Variants in NSMCE2 observed in about 807,000 individuals in gnomAD.
The protein encoded by NSMCE2 is NSE2 SUMO ligase component of SMC5/6 complex.
Under a neutral mutation model 23.8 loss-of-function variants are expected in NSMCE2, and 24 were observed. The ratio of observed to expected loss-of-function variants is 1.01; its 90% CI spans 0.73 to 1.42. The LOEUF (loss-of-function observed/expected upper bound fraction) is 1.42. NSMCE2 is among the 40% of genes most tolerant of loss of function. The probability of loss-of-function intolerance (pLI) is 0.00; values close to 1 mark genes in which losing one functional copy is unlikely to be tolerated. For missense variants in NSMCE2, 284 were observed against 296.5 expected, an observed-to-expected ratio of 0.96 and a Z score of 0.31; for synonymous variants, 92 against 94.1, an observed-to-expected ratio of 0.98 and a Z score of 0.13.
At chr8:125,156,195 C>T (rs1472125100) in intron 4 of NSMCE2, 2 of 201,648 alleles carry the variant, frequency 9.9e-6, no homozygotes, top group African/African-American at 2.4e-5. Flanking sequence ...TCACATTATA[C>T]TTCAGCTTTT....
chr8:125,125,730 A>T (rs1425212328), intron 3 of NSMCE2, among the ~76,000 whole-genome samples: 3 of 152,224 alleles, frequency 2.0e-5, no homozygotes, highest in Admixed American at 1.3e-4. Flanking sequence ...AGTCTGCCAC[A>T]GTGTGGCAGG....
intron 5 of NSMCE2, among the ~76,000 whole-genome samples, chr8:125,189,836 A>G (rs1360686167): frequency 6.6e-6 from 1 of 152,228 alleles, no homozygotes; most frequent in Non-Finnish European, 1.5e-5. Flanking sequence ...GCACAAACAT[A>G]TAGTATATAC....
At chr8:125,141,573 A>G (rs1820375300) in intron 3 of NSMCE2, among the ~76,000 whole-genome samples, 1 of 152,238 alleles carries the variant, frequency 6.6e-6, no homozygotes, top group African/African-American at 2.4e-5. Flanking sequence ...TGGATAAGGT[A>G]ATAGGTGCAG....
chr8:125,268,920 G>A (rs1827057349), intron 5 of NSMCE2, among the ~76,000 whole-genome samples: 1 of 152,074 alleles, frequency 6.6e-6, no homozygotes, highest in South Asian at 2.1e-4. Context: ...TCAAAAAGTA[G>A]GAATTTTAAA....
In NSMCE2 at chr8:125,235,969, A is replaced by C. The variant is rs1825530574; in HGVS notation, c.418+53713A>C. Among the ~76,000 whole-genome samples the C allele has an allele frequency of 5.3e-5, 8 of 152,366 alleles. No homozygotes were observed. The South Asian group carries it at 1.7e-3, about 32-fold the overall frequency. On this transcript the variant is annotated intron_variant, in intron 5 of 7. Coordinates refer to ENST00000287437, the MANE Select transcript of NSMCE2 (RefSeq NM_173685.4). Reference sequence around the variant, plus strand: ...GCAGGAAGAAATTGAGAGGCAACACAGATTTCTATTCCTGGAAATATGGCA... The same window carrying C: ...GCAGGAAGAAATTGAGAGGCAACACCGATTTCTATTCCTGGAAATATGGCA...
intron 4 of NSMCE2, among the ~76,000 whole-genome samples, chr8:125,154,156 A>G (rs963097810): frequency 6.6e-6 from 1 of 152,194 alleles, no homozygotes; most frequent in African/African-American, 2.4e-5. Flanking sequence ...CCTAGATTCA[A>G]ATCTACCCTG....
intron 1 of NSMCE2, among the ~76,000 whole-genome samples, chr8:125,097,368 G>C (rs1230593425): frequency 6.6e-6 from 1 of 152,088 alleles, no homozygotes; most frequent in Non-Finnish European, 1.5e-5. Context: ...CTGTACTTAA[G>C]GCTGTCTACA....
intron 5 of NSMCE2, among the ~76,000 whole-genome samples, chr8:125,204,972 T>C (rs1466123935): frequency 6.6e-6 from 1 of 152,240 alleles, no homozygotes; most frequent in Non-Finnish European, 1.5e-5. Flanking sequence ...GGGCTTTCCA[T>C]GGCTCCCTTC....
chr8:125,097,242 C>A (rs1817984444), intron 1 of NSMCE2, among the ~76,000 whole-genome samples: 1 of 152,122 alleles, frequency 6.6e-6, no homozygotes, highest in Non-Finnish European at 1.5e-5. Flanking sequence ...ATTTTAACAT[C>A]TTTAACATTT....
intron 5 of NSMCE2, among the ~76,000 whole-genome samples, chr8:125,244,937 T>G (rs1007239148): frequency 6.6e-6 from 1 of 152,178 alleles, no homozygotes; most frequent in Non-Finnish European, 1.5e-5. Context: ...CAAGATCAAT[T>G]AAATATTTAT....
intron 5 of NSMCE2, among the ~76,000 whole-genome samples, chr8:125,226,914 C>T (rs550169167): frequency 1.3e-5 from 2 of 152,154 alleles, no homozygotes; most frequent in Admixed American, 6.5e-5. Context: ...TCTGGCAACC[C>T]TCTGCCTCAT....
At chr8:125,320,576 A>G (rs901491781) in intron 5 of NSMCE2, among the ~76,000 whole-genome samples, 4 of 152,214 alleles carry the variant, frequency 2.6e-5, no homozygotes, top group African/African-American at 7.2e-5. Flanking sequence ...GGTAGAAGAC[A>G]GTGGAATGAA....
intron 3 of NSMCE2, among the ~76,000 whole-genome samples, chr8:125,107,896 T>A (rs1189920756): frequency 1.3e-5 from 2 of 151,902 alleles, no homozygotes; most frequent in Non-Finnish European, 2.9e-5. Context: ...TAGCCAGGCA[T>A]GGTGGTGCAC....
chr8:125,265,721 C>A (rs1313579790), intron 5 of NSMCE2, among the ~76,000 whole-genome samples: 1 of 152,202 alleles, frequency 6.6e-6, no homozygotes, highest in Non-Finnish European at 1.5e-5. Flanking sequence ...AGAACCAAGA[C>A]TTCTGACTCC....
rs575570533 is a variant in NSMCE2, at chr8:125,201,280, G to T, written c.418+19024G>T. Among the ~76,000 whole-genome samples the T allele has an allele frequency of 3.3e-5, 5 of 152,320 alleles. No homozygotes were observed. In the South Asian group the frequency reaches 8.3e-4, roughly 25 times the overall value. Reference sequence around the variant, plus strand: ...GGTTTTTAGAATTTTCAGCTGTTCTGCTCTGGTTTCTCCCCATCTTTTTGG... The same window carrying T: ...GGTTTTTAGAATTTTCAGCTGTTCTTCTCTGGTTTCTCCCCATCTTTTTGG... On this transcript the variant is annotated intron_variant, in intron 5 of 7. Transcript: ENST00000287437.
intron 3 of NSMCE2, among the ~76,000 whole-genome samples, chr8:125,138,601 T>C (rs1278941758): frequency 6.6e-6 from 1 of 152,212 alleles, no homozygotes; most frequent in Admixed American, 6.5e-5. Flanking sequence ...AGTATTATCA[T>C]AGTCTTCGTT....
chr8:125,245,771 C>T (rs1000035135), intron 5 of NSMCE2, among the ~76,000 whole-genome samples: 5 of 152,152 alleles, frequency 3.3e-5, no homozygotes, highest in Non-Finnish European at 4.4e-5. Context: ...CTGTGGCTCA[C>T]GCATGTAATC....
At chr8:125,238,267 A>T (rs1825635782) in intron 5 of NSMCE2, among the ~76,000 whole-genome samples, 1 of 152,132 alleles carries the variant, frequency 6.6e-6, no homozygotes, top group South Asian at 2.1e-4. Context: ...TTTTTATTCC[A>T]TTTCCATCTG....
chr8:125,198,110 C>T (rs1449194268), intron 5 of NSMCE2, among the ~76,000 whole-genome samples: 1 of 152,124 alleles, frequency 6.6e-6, no homozygotes, highest in Non-Finnish European at 1.5e-5. Context: ...GGTTTTCTAA[C>T]TATACAATCA....
Sources: gnomAD v4.1 joint callset for allele counts (sites outside exome capture counted in the v4.1 genomes callset) on GRCh38, gnomAD v4.1.1 for gene constraint, MANE v1.5 for transcripts, NCBI Gene and HGNC (gene_info 2026-07-23, HGNC 2026-07-21) for gene names.